The following TMEM200A variants were observed in gnomAD, a reference collection of about 807,000 sequenced individuals.
TMEM200A encodes transmembrane protein 200A, also known as two transmembrane C.
A neutral mutation model predicts 24.3 loss-of-function variants in TMEM200A; 12 were observed. The ratio of observed to expected loss-of-function variants is 0.49; its 90% CI spans 0.32 to 0.80. The LOEUF is 0.80. Among genes scored for constraint, TMEM200A ranks in the 30% least tolerant of loss-of-function variants. TMEM200A has a pLI of 0.04. For synonymous variants in TMEM200A, 224 were observed against 224.4 expected, an observed-to-expected ratio of 1.00 and a Z score of 0.02; for missense variants, 545 against 614.4, an observed-to-expected ratio of 0.89 and a Z score of 1.19.
Position 130,366,030 on chromosome 6 carries a change from C to G in TMEM200A, c.-575C>G. ...GGGCTGGGATCCATCTGGAGCCGAG[C>G]AGAAAACTTTTCCCCTCCCGTTCCC... On this transcript the variant is annotated 5_prime_UTR_variant, in exon 1 of 3. Coordinates refer to ENST00000296978, the MANE Select transcript of TMEM200A (RefSeq NM_001258277.2). The surrounding 1 kb of genome is among the most constrained non-coding windows in gnomAD (Gnocchi z 4.4). The G allele has an allele frequency of 1.0e-6, 1 of 985,572 alleles. No individual in the cohort carries two copies. The highest frequency in any genetic ancestry group is 1.2e-6 in the Non-Finnish European group (1 of 830,054). 61.1% of individuals were successfully genotyped at this position (985,572 alleles called of 1,614,324 possible).
chr6:130,371,709 G>T (rs1778324679), intron 1 of TMEM200A, among the ~76,000 whole-genome samples: 1 of 152,136 alleles, frequency 6.6e-6, no homozygotes, highest in Non-Finnish European at 1.5e-5. Context: ...TAGGGTTTGG[G>T]GTATAGCAAG....
At chr6:130,365,909 C>A (rs1778125337), upstream of TMEM200A, 4 of 985,670 alleles carry the variant, frequency 4.1e-6, no homozygotes, top group Non-Finnish European at 4.8e-6. Flanking sequence ...GAGATTGGCA[C>A]GGTCCGGGGT....
At chr6:130,436,542 C>T in intron 2 of TMEM200A, among the ~76,000 whole-genome samples, 1 of 147,926 alleles carries the variant, frequency 6.8e-6, no homozygotes, top group Admixed American at 6.8e-5. Flanking sequence ...ACACTTTGTA[C>T]CAATTGGCAT....
At chr6:130,375,946 A>G (rs1463631412) in intron 1 of TMEM200A, among the ~76,000 whole-genome samples, 2 of 152,100 alleles carry the variant, frequency 1.3e-5, no homozygotes, top group Admixed American at 6.5e-5. Context: ...CATTTCATAT[A>G]CAGTATGTCT....
chr6:130,368,668 A>C (rs1430013121), intron 1 of TMEM200A, among the ~76,000 whole-genome samples: 9 of 152,194 alleles, frequency 5.9e-5, no homozygotes, highest in Admixed American at 3.9e-4. Flanking sequence ...CTACCCTTCC[A>C]GGCCTTTTCT....
chr6:130,437,838 T>A (rs545781366), intron 2 of TMEM200A: 11 of 152,324 alleles, frequency 7.2e-5, no homozygotes, highest in South Asian at 4.1e-4. Context: ...TCTTAAAATA[T>A]CTTTTCTCAT....
chr6:130,402,352 C>A (rs905852946), intron 2 of TMEM200A, among the ~76,000 whole-genome samples: 3 of 151,902 alleles, frequency 2.0e-5, no homozygotes, highest in African/African-American at 7.2e-5. Context: ...ATCAGTTGAG[C>A]AAAAAATACA....
intron 2 of TMEM200A, among the ~76,000 whole-genome samples, chr6:130,395,624 CAAAT>C (rs1007342147): frequency 2.6e-5 from 4 of 152,142 alleles, no homozygotes; most frequent in Non-Finnish European, 4.4e-5. Flanking sequence ...GTGATTTAAA[CAAAT>C]AAATTGTTAA....
chr6:130,398,739 T>C (rs902023612), intron 2 of TMEM200A, among the ~76,000 whole-genome samples: 1 of 152,078 alleles, frequency 6.6e-6, no homozygotes, highest in Non-Finnish European at 1.5e-5. Flanking sequence ...TGATTAGTGA[T>C]GATGAGCATT....
intron 2 of TMEM200A, among the ~76,000 whole-genome samples, chr6:130,410,917 C>G (rs2115158550): frequency 6.6e-6 from 1 of 152,240 alleles, no homozygotes; most frequent in East Asian, 1.9e-4. Flanking sequence ...GCCTATAATC[C>G]CAGCACTTTG....
At chr6:130,434,261 A>G (rs976339715) in intron 2 of TMEM200A, among the ~76,000 whole-genome samples, 5 of 152,216 alleles carry the variant, frequency 3.3e-5, no homozygotes, top group Non-Finnish European at 5.9e-5. Context: ...AAGGGAATAT[A>G]TAAACAAGAG....
chr6:130,366,007 G>C, upstream of TMEM200A: 1 of 985,504 alleles, frequency 1.0e-6, no homozygotes, highest in Non-Finnish European at 1.2e-6. This position sits in a 1 kb window ranked among gnomAD's most constrained non-coding sequence, Gnocchi z 4.4. Flanking sequence ...GAGGTTTGGG[G>C]CTGGGATCCA....
chr6:130,402,877 T>C (rs1779120789), intron 2 of TMEM200A, among the ~76,000 whole-genome samples: 1 of 152,152 alleles, frequency 6.6e-6, no homozygotes, highest in African/African-American at 2.4e-5. Flanking sequence ...GAATAACTTC[T>C]TGTCATTGTA....
At chr6:130,395,030 T>A (rs1028967686) in intron 2 of TMEM200A, among the ~76,000 whole-genome samples, 2 of 152,194 alleles carry the variant, frequency 1.3e-5, no homozygotes, top group Non-Finnish European at 2.9e-5. Flanking sequence ...TAGTCTTCTT[T>A]CTTTGTCCTG....
intron 2 of TMEM200A, among the ~76,000 whole-genome samples, chr6:130,396,765 C>G (rs117230233): frequency 0.018 from 2,778 of 152,048 alleles, 23 homozygotes; most frequent in Non-Finnish European, 0.027. Flanking sequence ...AGAGAAGGCA[C>G]CTACCCATCA....
chr6:130,412,408 T>G (rs2115163070), intron 2 of TMEM200A, among the ~76,000 whole-genome samples: 1 of 152,214 alleles, frequency 6.6e-6, no homozygotes, highest in East Asian at 1.9e-4. Context: ...GCATTGCCAC[T>G]CCTCATCCAC....
At chr6:130,401,167 C>A (rs547076240) in intron 2 of TMEM200A, among the ~76,000 whole-genome samples, 6 of 151,958 alleles carry the variant, frequency 3.9e-5, no homozygotes, top group Non-Finnish European at 8.8e-5. Flanking sequence ...TCCATCTTAC[C>A]TCAGAGTGCC....
At position 130,375,413 on chromosome 6, in the gene TMEM200A, A is replaced by T. The variant is rs76103979; in HGVS notation, c.-81+8889A>T. ...GGCTCAGGAGAAGGTTTATTAATTA[A>T]TAAAGGATTCATTAAATATTTGTGC... On this transcript the variant is annotated intron_variant, in intron 1 of 2. Coordinates refer to ENST00000296978, the MANE Select transcript of TMEM200A (RefSeq NM_001258277.2). 4.9e-4 allele frequency among the ~76,000 whole-genome samples: 74 copies of T among 152,364 alleles called. No individual in the cohort carries two copies. In the East Asian group the frequency reaches 0.014, roughly 29 times the overall value.
intron 2 of TMEM200A, among the ~76,000 whole-genome samples, chr6:130,392,739 C>A (rs973894859): frequency 6.6e-6 from 1 of 152,188 alleles, no homozygotes; most frequent in Non-Finnish European, 1.5e-5. Context: ...ATCTTACAAG[C>A]AACACCTAAC....
Sources: gnomAD v4.1 joint callset for allele counts (sites outside exome capture counted in the v4.1 genomes callset) on GRCh38, gnomAD v4.1.1 for gene constraint, Gnocchi (gnomAD v3.1) non-coding constraint, MANE v1.5 for transcripts, NCBI Gene and HGNC (gene_info 2026-07-23, HGNC 2026-07-21) for gene names.